CMC1: variants seen among roughly 807,000 people sequenced by gnomAD.
The protein encoded by CMC1 is COX assembly mitochondrial protein homolog.
Under a neutral mutation model 14.1 loss-of-function variants are expected in CMC1, and 14 were observed. That is an observed-to-expected ratio of 0.99 (90% CI 0.66 to 1.55). The LOEUF is 1.55. Ranked by LOEUF, CMC1 falls within the 40% of genes most tolerant of loss-of-function variation. The probability of loss-of-function intolerance (pLI) is 0.00; values close to 1 mark genes in which losing one functional copy is unlikely to be tolerated. For synonymous variants in CMC1, 50 were observed against 38.4 expected (o/e 1.30, Z -1.12); for missense variants, 127 against 123.8 (o/e 1.03, Z -0.12).
At chr3:28,244,373 T>C (rs1204224499) in intron 1 of CMC1, among the ~76,000 whole-genome samples, 3 of 152,152 alleles carry the variant, frequency 2.0e-5, no homozygotes, top group Non-Finnish European at 2.9e-5. Flanking sequence ...GAAAGAAATA[T>C]ACAGCGTCAT....
intron 1 of CMC1, among the ~76,000 whole-genome samples, chr3:28,244,127 A>G (rs1698681985): frequency 6.6e-6 from 1 of 152,240 alleles, no homozygotes; most frequent in Admixed American, 6.5e-5. Context: ...CAAGTCCTCA[A>G]AGGCTGGCTG....
intron 2 of CMC1, among the ~76,000 whole-genome samples, chr3:28,282,222 T>C (rs957334767): frequency 3.3e-5 from 5 of 152,230 alleles, no homozygotes; most frequent in Non-Finnish European, 7.3e-5. Context: ...CTGCATTCTT[T>C]TAAAACTAGA....
intron 1 of CMC1, among the ~76,000 whole-genome samples, chr3:28,258,989 C>T (rs896702750): frequency 6.6e-5 from 10 of 152,082 alleles, no homozygotes; most frequent in African/African-American, 1.9e-4. Context: ...GCCAGCACTA[C>T]GTCGTCTTGA....
intron 1 of CMC1, among the ~76,000 whole-genome samples, chr3:28,256,868 A>G (rs534365453): frequency 1.3e-5 from 2 of 152,352 alleles, no homozygotes; most frequent in East Asian, 1.9e-4. Context: ...GATTGTCTAC[A>G]TAGAAATTGG....
At position 28,274,212 on chromosome 3, in the gene CMC1, G is replaced by GTTTTTTTTTTTT. The variant is rs376321066; in HGVS notation, c.109+10839_109+10840insTTTTTTTTTTTT. On this transcript the variant is annotated intron_variant, in intron 2 of 3. Coordinates refer to ENST00000466830, the MANE Select transcript of CMC1 (RefSeq NM_182523.2). Reference sequence around the variant, plus strand: ...TTGGTCTTTGTACTAAAGTGTTTTTGTTTTTTTCTTTTTTTTTTTTTTTGC... The same window carrying GTTTTTTTTTTTT: ...TTGGTCTTTGTACTAAAGTGTTTTTGTTTTTTTTTTTTTTTTTTTCTTTTTTTTTTTTTTTGC... Among the ~76,000 whole-genome samples the GTTTTTTTTTTTT allele has an allele frequency of 6.0e-3, 523 of 87,840 alleles. 27 individuals are homozygous for GTTTTTTTTTTTT. Among genetic ancestry groups the GTTTTTTTTTTTT allele is most frequent in the Non-Finnish European group, 8.0e-3 (367 of 46,148 alleles). The allele number at this position is 87,840 out of a possible 152,430, so 57.6% of individuals were successfully genotyped here.
chr3:28,254,948 T>C (rs996695194), intron 1 of CMC1, among the ~76,000 whole-genome samples: 1 of 152,212 alleles, frequency 6.6e-6, no homozygotes, highest in Non-Finnish European at 1.5e-5. Flanking sequence ...TTTATTCTTT[T>C]CTCTGTAAGT....
chr3:28,270,144 T>G (rs1475957089), intron 2 of CMC1, among the ~76,000 whole-genome samples: 1 of 152,220 alleles, frequency 6.6e-6, no homozygotes, highest in Non-Finnish European at 1.5e-5. Context: ...CACATTTTCT[T>G]TATCTGGTCT....
chr3:28,264,510 C>T (rs1215094694), intron 2 of CMC1, among the ~76,000 whole-genome samples: 4 of 152,090 alleles, frequency 2.6e-5, no homozygotes. Context: ...ATATAAATAA[C>T]CATCCAATGG....
rs1701026951 is a variant in CMC1 at position 28,283,623 on chromosome 3, TG to T, written c.109+20244del. Among the ~76,000 whole-genome samples, 5 of 152,278 alleles carry T rather than the reference TG, an allele frequency of 3.3e-5. No homozygotes were observed. In the South Asian group the frequency reaches 1.0e-3, roughly 32 times the overall value. On this transcript the variant is annotated intron_variant, in intron 2 of 3. Transcript: ENST00000466830. ...TAATATATTGTCTTGCTTTTATAGT[TG>T]TCTTTTTAAGCCTATTGGGTCCTTG... is the stretch of plus-strand genomic sequence containing the variant.
chr3:28,245,273 C>CA (rs774661227), intron 1 of CMC1, among the ~76,000 whole-genome samples: 3 of 152,112 alleles, frequency 2.0e-5, no homozygotes, highest in Non-Finnish European at 4.4e-5. Context: ...GTTTTATTTA[C>CA]ATTATTTTCC....
At chr3:28,308,508 G>A (rs1307208240) in intron 2 of CMC1, among the ~76,000 whole-genome samples, 1 of 152,020 alleles carries the variant, frequency 6.6e-6, no homozygotes, top group Non-Finnish European at 1.5e-5. Context: ...TGAAGATACA[G>A]GAAAAATAAG....
At chr3:28,245,385 G>C (rs1698770908) in intron 1 of CMC1, among the ~76,000 whole-genome samples, 3 of 152,110 alleles carry the variant, frequency 2.0e-5, no homozygotes, top group Non-Finnish European at 4.4e-5. Flanking sequence ...TGGCCCATAG[G>C]AACCTGCACC....
chr3:28,305,219 ATGGC>A lies in CMC1; in HGVS notation c.110-11113_110-11110del, dbSNP rs1365093202. 1.4e-3 allele frequency among the ~76,000 whole-genome samples: 215 copies of A among 152,302 alleles called. 1 individual carries two copies. Among genetic ancestry groups the A allele is most frequent in the African/African-American group, 5.1e-3 (210 of 41,570 alleles). Reference sequence around the variant, plus strand: ...TTTCTCTGTTAATCCACTTAGGATAATGGCCTCCAGCTAAATCTATGTTGCTGCA... The same window carrying A: ...TTTCTCTGTTAATCCACTTAGGATAACTCCAGCTAAATCTATGTTGCTGCA... On this transcript the variant is annotated intron_variant, in intron 2 of 3. Transcript: ENST00000466830.
intron 2 of CMC1, among the ~76,000 whole-genome samples, chr3:28,266,710 A>G (rs1324256673): frequency 2.0e-5 from 3 of 152,248 alleles, no homozygotes; most frequent in Admixed American, 1.3e-4. Context: ...TTTGATTACA[A>G]AGGAGAATCC....
At position 28,241,687 on chromosome 3, in the gene CMC1, A is replaced by G. The variant is rs1166152592; in HGVS notation, c.-107A>G. On this transcript the variant is annotated 5_prime_UTR_variant, in exon 1 of 4. Transcript: ENST00000466830. ...AAGGGCCCGTGTTTCTGTTGCGGGA[A>G]GCTCCCGGGGGTCGCACGTGCGTCC... is the stretch of plus-strand genomic sequence containing the variant. 8.1e-7 allele frequency: 1 copy of G among 1,235,938 alleles called. No homozygotes were observed. The highest frequency in any genetic ancestry group is 1.6e-5 in the African/African-American group (1 of 64,090). The allele number at this position is 1,235,938 out of a possible 1,614,324, so 76.6% of individuals were successfully genotyped here.
chr3:28,245,121 TG>T (rs1403643597), intron 1 of CMC1, among the ~76,000 whole-genome samples: 1 of 152,146 alleles, frequency 6.6e-6, no homozygotes, highest in Non-Finnish European at 1.5e-5. Flanking sequence ...GTTTTCCTAT[TG>T]GTTTATTTTG....
intron 2 of CMC1, among the ~76,000 whole-genome samples, chr3:28,289,593 A>G (rs559639351): frequency 2.6e-5 from 4 of 152,042 alleles, no homozygotes; most frequent in Non-Finnish European, 4.4e-5. Flanking sequence ...TTATTTAGGG[A>G]GAAAGTCTGT....
At position 28,323,143 on chromosome 3, in the gene CMC1, AAC is replaced by A. The variant is rs1703242921; in HGVS notation, c.*3516_*3517del. ...AATATTACATTTCAACACAAAGTCT[AAC>A]AATTTAGAAGCTGCTCTACACAATG... On this transcript the variant is annotated 3_prime_UTR_variant, in exon 4 of 4. Transcript: ENST00000466830. 1 of 150,858 alleles carries A rather than the reference AAC, an allele frequency of 6.6e-6. No homozygotes were observed. Among genetic ancestry groups the A allele is most frequent in the Non-Finnish European group, 1.5e-5 (1 of 67,274 alleles). The allele number at this position is 150,858 out of a possible 1,614,324, so 9.3% of individuals were successfully genotyped here. A position where few individuals can be genotyped will look rare whatever the true frequency, so the allele number is the denominator to read the frequency against.
At chr3:28,259,137 A>G (rs1699591948) in intron 1 of CMC1, among the ~76,000 whole-genome samples, 1 of 151,102 alleles carries the variant, frequency 6.6e-6, no homozygotes, top group Non-Finnish European at 1.5e-5. Flanking sequence ...TTTTATTATA[A>G]CTTTATTTTT....
Sources: gnomAD v4.1 joint callset for allele counts (sites outside exome capture counted in the v4.1 genomes callset) on GRCh38, gnomAD v4.1.1 for gene constraint, MANE v1.5 for transcripts, NCBI Gene and HGNC (gene_info 2026-07-23, HGNC 2026-07-21) for gene names.